IARS2: variants seen among roughly 807,000 people sequenced by gnomAD.
IARS2 encodes the protein isoleucine--tRNA ligase, mitochondrial.
IARS2 carries 56 observed loss-of-function variants against 126.3 expected under a neutral mutation model. That is an observed-to-expected ratio of 0.44 (90% CI 0.36 to 0.55). The LOEUF is 0.55. Among genes scored for constraint, IARS2 ranks in the 20% least tolerant of loss-of-function variants. The pLI, the probability that IARS2 is intolerant of heterozygous loss-of-function variation, is 0.00. For missense variants in IARS2, 1,127 were observed against 1,245.9 expected (o/e 0.90, Z 1.44); for synonymous variants, 407 against 441.1 (o/e 0.92, Z 0.97).
Position 220,147,925 on chromosome 1 carries a change from G to C in IARS2, c.*290G>C, listed in dbSNP as rs1657641643. On this transcript the variant is annotated 3_prime_UTR_variant, in exon 23 of 23. Transcript: ENST00000366922. ...GTGGACTTATTCAGAACATAGATAT[G>C]TATTCAGCTTGTCTTCAAATACGGC... The C allele has an allele frequency of 2.5e-6, 1 of 402,292 alleles. No homozygotes were observed. The highest frequency in any genetic ancestry group is 2.1e-5 in the African/African-American group (1 of 48,734). 24.9% of individuals were successfully genotyped at this position (402,292 alleles called of 1,614,324 possible). A position where few individuals can be genotyped will look rare whatever the true frequency, so the allele number is the denominator to read the frequency against.
At chr1:220,104,066 C>G (rs548375305) in intron 8 of IARS2, among the ~76,000 whole-genome samples, 39 of 152,304 alleles carry the variant, frequency 2.6e-4, no homozygotes, top group African/African-American at 9.1e-4. Context: ...CTCAAACTCC[C>G]GGGCTCAAGC....
chr1:220,147,634 A>G lies in IARS2; in HGVS notation c.3038A>G (p.Ter1013TrpextTer2), dbSNP rs983268973. 4 of 1,614,022 alleles carry G rather than the reference A, an allele frequency of 2.5e-6. No homozygotes were observed. In the South Asian group the frequency reaches 4.4e-5, roughly 18 times the overall value. Residue 1013 changes from the stop codon to tryptophan, a stop_lost, in exon 23 of 23, where the codon TAG (stop) becomes TGG (tryptophan). Transcript: ENST00000366922. ...PRCAEVVSGK[*>W] ...TGTGCAGAAGTTGTCAGTGGAAAAT[A>G]GTATTAACAGCTCACTCGAGCAAGA...
Position 220,096,097 on chromosome 1 carries a change from A to T in IARS2, c.268-7A>T, listed in dbSNP as rs78836180. 0.084 allele frequency: 113,654 copies of T among 1,348,398 alleles called. 3,486 individuals carry two copies. Among genetic ancestry groups the T allele is most frequent in the South Asian group, 0.14 (10,635 of 76,420 alleles). 83.5% of individuals were successfully genotyped at this position (1,348,398 alleles called of 1,614,324 possible). A position where few individuals can be genotyped will look rare whatever the true frequency, so the allele number is the denominator to read the frequency against. ...ATGTTTAGATATCTTTTTTTTTTTT[A>T]AAACAGAAATGTGGATTTTCAGAAC... On this transcript the variant is annotated splice_region_variant and splice_polypyrimidine_tract_variant and intron_variant, in intron 1 of 22. Transcript: ENST00000366922.
chr1:220,140,165 T>G lies in IARS2; in HGVS notation c.2308-18T>G. On this transcript the variant is annotated intron_variant, in intron 18 of 22. Coordinates refer to ENST00000366922, the MANE Select transcript of IARS2 (RefSeq NM_018060.4). ...TGCCTGTCTCAGCTTCCAAATTTAT[T>G]TTGGCTTTGTTCCCTAGATTACCGA... 1 of 1,453,976 alleles carries G rather than the reference T, an allele frequency of 6.9e-7. No homozygotes were observed. Among genetic ancestry groups the G allele is most frequent in the Non-Finnish European group, 9.7e-7 (1 of 1,035,798 alleles). The allele number at this position is 1,453,976 out of a possible 1,614,324, so 90.1% of individuals were successfully genotyped here.
At chr1:220,144,898 T>A (rs1657557672) in intron 21 of IARS2, among the ~76,000 whole-genome samples, 1 of 152,176 alleles carries the variant, frequency 6.6e-6, no homozygotes, top group African/African-American at 2.4e-5. Flanking sequence ...TAAAGGAATG[T>A]CTATGTTGGT....
intron 10 of IARS2, among the ~76,000 whole-genome samples, chr1:220,107,775 G>A (rs1253390786): frequency 6.6e-6 from 1 of 152,180 alleles, no homozygotes; most frequent in Non-Finnish European, 1.5e-5. Context: ...TTTTCCTGAA[G>A]GTTTTATGGG....
intron 3 of IARS2, among the ~76,000 whole-genome samples, chr1:220,101,738 C>T (rs1431737225): frequency 6.6e-6 from 1 of 151,038 alleles, no homozygotes; most frequent in Non-Finnish European, 1.5e-5. Flanking sequence ...CCGTGGCTCA[C>T]GCCTGTAATC....
At chr1:220,147,460 T>TATC (rs1657624746) in intron 22 of IARS2, 33 bp from the exon 23 acceptor site, 1 of 1,608,362 alleles carries the variant, frequency 6.2e-7, no homozygotes, top group Non-Finnish European at 8.5e-7. Flanking sequence ...GTTGAATGCC[T>TATC]ATCAGAAATA....
In IARS2 at chr1:220,136,524, G is replaced by A. The variant is rs549010461; in HGVS notation, c.1947-285G>A. On this transcript the variant is annotated intron_variant, in intron 15 of 22. Coordinates refer to ENST00000366922, the MANE Select transcript of IARS2 (RefSeq NM_018060.4). ...GGAGGCCGAGTTAGGTGGATCCCCT[G>A]AGGTCAGGCGTAGGTAGGAGAATCC... is the stretch of plus-strand genomic sequence containing the variant. Among the ~76,000 whole-genome samples, 19 of 151,322 alleles carry A rather than the reference G, an allele frequency of 1.3e-4. No homozygotes were observed. The East Asian group carries it at 3.8e-3, about 30-fold the overall frequency.
intron 12 of IARS2, among the ~76,000 whole-genome samples, chr1:220,116,328 C>A (rs1382225759): frequency 2.6e-5 from 4 of 152,106 alleles, no homozygotes; most frequent in Non-Finnish European, 5.9e-5. Context: ...AGATAATAGT[C>A]TAGCTAGTTT....
chr1:220,132,694 G>T (rs1023470494), intron 14 of IARS2, among the ~76,000 whole-genome samples: 11 of 150,910 alleles, frequency 7.3e-5, no homozygotes, highest in Non-Finnish European at 1.3e-4. Context: ...CCTGGCTAAT[G>T]TTTGCGTTTT....
chr1:220,131,014 G>A (rs1359065928), intron 14 of IARS2, among the ~76,000 whole-genome samples: 1 of 152,170 alleles, frequency 6.6e-6, no homozygotes, highest in African/African-American at 2.4e-5. Flanking sequence ...AAGTTGGGCA[G>A]TGTGATGCCT....
chr1:220,095,124 C>T (rs188479246), intron 1 of IARS2, among the ~76,000 whole-genome samples: 17 of 152,326 alleles, frequency 1.1e-4, no homozygotes, highest in African/African-American at 2.4e-4. Context: ...CTACAACTTC[C>T]GCCTCCCAGG....
chr1:220,145,144 G>A (rs1483520956), intron 21 of IARS2, among the ~76,000 whole-genome samples: 1 of 150,670 alleles, frequency 6.6e-6, no homozygotes, highest in Non-Finnish European at 1.5e-5. Flanking sequence ...GTTCCACCAC[G>A]TATGGGTTGA....
chr1:220,113,638 TAGAG>T (rs1056439620), intron 11 of IARS2, among the ~76,000 whole-genome samples: 1 of 146,710 alleles, frequency 6.8e-6, no homozygotes, highest in Non-Finnish European at 1.5e-5. Flanking sequence ...TATATATATA[TAGAG>T]AGAGAGAGAG....
At chr1:220,113,199 A>G (rs562668435) in intron 11 of IARS2, among the ~76,000 whole-genome samples, 5 of 152,134 alleles carry the variant, frequency 3.3e-5, no homozygotes, top group Non-Finnish European at 5.9e-5. Flanking sequence ...TGCCATTATC[A>G]CCACCTTTAA....
chr1:220,110,428 C>T (rs937839141), intron 10 of IARS2, among the ~76,000 whole-genome samples: 4 of 152,102 alleles, frequency 2.6e-5, no homozygotes, highest in East Asian at 1.9e-4. Flanking sequence ...TGCAGTGGCA[C>T]GATCTCGGCT....
At chr1:220,109,342 G>A (rs1396652068) in intron 10 of IARS2, among the ~76,000 whole-genome samples, 1 of 151,484 alleles carries the variant, frequency 6.6e-6, no homozygotes, top group Non-Finnish European at 1.5e-5. Context: ...AGAGGTTGCA[G>A]TGAGCTGAGA....
intron 16 of IARS2, 58 bp downstream of exon 16, chr1:220,136,969 C>A: frequency 2.0e-6 from 2 of 1,020,702 alleles, no homozygotes; most frequent in South Asian, 1.4e-5. Flanking sequence ...AATTGGCAGC[C>A]AAAGCCCTTA....
Sources: allele counts gnomAD v4.1 joint callset (sites outside exome capture counted in the v4.1 genomes callset), GRCh38; gene constraint gnomAD v4.1.1; transcripts MANE v1.5; gene names NCBI Gene and HGNC (gene_info 2026-07-23, HGNC 2026-07-21).